The following POU6F2 variants were observed in gnomAD, a reference collection of about 807,000 sequenced individuals.
The protein encoded by POU6F2 is POU class 6 homeobox 2, also known as POU domain, class 6, transcription factor 2.
Under a neutral mutation model 71.3 loss-of-function variants are expected in POU6F2, and 31 were observed. That is an observed-to-expected ratio of 0.43 (90% CI 0.33 to 0.59). The LOEUF (loss-of-function observed/expected upper bound fraction) is 0.59. POU6F2 is among the 20% of genes least tolerant of loss of function. POU6F2 has a pLI of 0.04. For synonymous variants in POU6F2, 347 were observed against 355.7 expected, an observed-to-expected ratio of 0.98 and a Z score of 0.27; for missense variants, 783 against 856.8, an observed-to-expected ratio of 0.91 and a Z score of 1.07.
intron 5 of POU6F2, among the ~76,000 whole-genome samples, chr7:39,340,643 A>G (rs1210736216): frequency 6.6e-6 from 1 of 152,188 alleles, no homozygotes; most frequent in Non-Finnish European, 1.5e-5. Flanking sequence ...AAACTTCTAT[A>G]GGTTTACTTT....
intron 5 of POU6F2, among the ~76,000 whole-genome samples, chr7:39,362,962 C>T (rs946289817): frequency 2.0e-5 from 3 of 152,076 alleles, no homozygotes; most frequent in Non-Finnish European, 2.9e-5. Flanking sequence ...GGAGATGGGG[C>T]CACAGAAGAA....
At chr7:39,054,629 A>G (rs1028289886) in intron 1 of POU6F2, among the ~76,000 whole-genome samples, 12 of 152,062 alleles carry the variant, frequency 7.9e-5, no homozygotes, top group Non-Finnish European at 1.6e-4. Context: ...AGGAGTTACA[A>G]TGGCTCAGAA....
chr7:39,139,197 C>A (rs1395688601), intron 2 of POU6F2, among the ~76,000 whole-genome samples: 1 of 152,182 alleles, frequency 6.6e-6, no homozygotes, highest in Admixed American at 6.5e-5. Context: ...GAAAGGTATG[C>A]TCACTGATAG....
At chr7:39,147,154 A>G (rs1025089108) in intron 2 of POU6F2, among the ~76,000 whole-genome samples, 9 of 152,140 alleles carry the variant, frequency 5.9e-5, no homozygotes, top group Non-Finnish European at 8.8e-5. Flanking sequence ...TACTTTCTAA[A>G]TGTTCTACAA....
At chr7:39,284,632 A>G (rs1007866628) in intron 4 of POU6F2, among the ~76,000 whole-genome samples, 1 of 152,198 alleles carries the variant, frequency 6.6e-6, no homozygotes, top group Non-Finnish European at 1.5e-5. Flanking sequence ...GTAAGACACT[A>G]TATCCTTTGG....
chr7:39,252,217 G>T (rs895213380), intron 4 of POU6F2, among the ~76,000 whole-genome samples: 1 of 151,982 alleles, frequency 6.6e-6, no homozygotes, highest in African/African-American at 2.4e-5. Flanking sequence ...CATCACTGGC[G>T]TCTGGCCTGT....
intron 5 of POU6F2, among the ~76,000 whole-genome samples, chr7:39,382,457 G>T (rs1313843506): frequency 1.3e-5 from 2 of 152,192 alleles, no homozygotes; most frequent in African/African-American, 4.8e-5. Context: ...AGTGGACCAG[G>T]GTGAGGCAGG....
chr7:39,122,186 C>A (rs993288362), intron 2 of POU6F2, among the ~76,000 whole-genome samples: 1 of 152,186 alleles, frequency 6.6e-6, no homozygotes, highest in East Asian at 1.9e-4. Context: ...TCTGTACTTC[C>A]TGAAAGATGG....
intron 5 of POU6F2, among the ~76,000 whole-genome samples, chr7:39,362,011 T>C (rs1583550871): frequency 6.6e-6 from 1 of 152,234 alleles, no homozygotes; most frequent in Non-Finnish European, 1.5e-5. Flanking sequence ...AGGTCCCCTC[T>C]GGCTGCCATT....
chr7:39,262,291 A>T (rs937559807), intron 4 of POU6F2, among the ~76,000 whole-genome samples: 3 of 152,232 alleles, frequency 2.0e-5, no homozygotes, highest in African/African-American at 7.2e-5. Flanking sequence ...GGATGGCCTT[A>T]CAAAACAGGA....
At chr7:39,374,634 C>CA (rs1195002647) in intron 5 of POU6F2, among the ~76,000 whole-genome samples, 1 of 152,176 alleles carries the variant, frequency 6.6e-6, no homozygotes, top group Admixed American at 6.5e-5. Flanking sequence ...TCCATATAAG[C>CA]AAATGTTTTC....
chr7:39,268,661 C>T (rs748541197), intron 4 of POU6F2, among the ~76,000 whole-genome samples: 12 of 152,194 alleles, frequency 7.9e-5, no homozygotes, highest in African/African-American at 2.9e-4. Context: ...ACTGTCCTGC[C>T]AGACACTCAC....
intron 2 of POU6F2, among the ~76,000 whole-genome samples, chr7:39,179,002 G>A (rs1793382314): frequency 6.6e-6 from 1 of 152,052 alleles, no homozygotes; most frequent in Non-Finnish European, 1.5e-5. Context: ...TTTTTAATCA[G>A]CTATAGGTTC....
intron 4 of POU6F2, among the ~76,000 whole-genome samples, chr7:39,284,700 A>C (rs1784621185): frequency 6.6e-6 from 1 of 152,130 alleles, no homozygotes; most frequent in Non-Finnish European, 1.5e-5. Context: ...TTGGTATTTT[A>C]ATGTGTTTGC....
intron 4 of POU6F2, among the ~76,000 whole-genome samples, chr7:39,228,732 G>A (rs1794518723): frequency 1.3e-5 from 2 of 152,180 alleles, no homozygotes; most frequent in African/African-American, 2.4e-5. Context: ...TGAATCTTTT[G>A]GAGACATCAG....
intron 4 of POU6F2, among the ~76,000 whole-genome samples, chr7:39,259,055 A>G (rs1784083167): frequency 1.3e-5 from 2 of 152,194 alleles, no homozygotes; most frequent in Admixed American, 1.3e-4. Flanking sequence ...AACTTGTTTA[A>G]TCATGATTGT....
chr7:38,996,713 T>G (rs1350623015), intron 1 of POU6F2, among the ~76,000 whole-genome samples: 1 of 152,206 alleles, frequency 6.6e-6, no homozygotes, highest in Non-Finnish European at 1.5e-5. Context: ...CTAACAACTC[T>G]GCTTGTATAT....
chr7:39,356,608 A>G (rs1258435612), intron 5 of POU6F2, among the ~76,000 whole-genome samples: 1 of 152,206 alleles, frequency 6.6e-6, no homozygotes, highest in East Asian at 1.9e-4. Flanking sequence ...AGGGCTGTCA[A>G]TAATTGTTGT....
At position 39,350,263 on chromosome 7, in the gene POU6F2, A is replaced by G. The variant is rs144280677; in HGVS notation, c.972+10248A>G. Among the ~76,000 whole-genome samples, 1,412 of 152,050 alleles carry G rather than the reference A, an allele frequency of 9.3e-3. 12 individuals are homozygous for G. The highest frequency in any genetic ancestry group is 0.041 in the Middle Eastern group (12 of 292). ...CAGAGACTAGCTGCTCTTTCCAGAC[A>G]TGAGTTCTCTGTCCTTGTATTTTGA... On this transcript the variant is annotated intron_variant, in intron 5 of 9. Transcript: ENST00000518318.
Sources: allele counts gnomAD v4.1 joint callset (sites outside exome capture counted in the v4.1 genomes callset), GRCh38; gene constraint gnomAD v4.1.1; transcripts MANE v1.5; gene names NCBI Gene and HGNC (gene_info 2026-07-23, HGNC 2026-07-21).